The following LYPD6B variants were observed in gnomAD, a reference collection of about 807,000 sequenced individuals.
The protein encoded by LYPD6B is LY6/PLAUR domain containing 6B.
In LYPD6B, 17 loss-of-function variants were observed where a neutral mutation model predicts 22.8. The ratio of observed to expected loss-of-function variants is 0.75; its 90% CI spans 0.51 to 1.12. The LOEUF (loss-of-function observed/expected upper bound fraction) is 1.12. LYPD6B is among the 50% of genes most tolerant of loss of function. The pLI, the probability that LYPD6B is intolerant of heterozygous loss-of-function variation, is 0.00. For synonymous variants in LYPD6B, 106 were observed against 91.6 expected (o/e 1.16, Z -0.90); for missense variants, 221 against 258.3 (o/e 0.86, Z 0.99).
intron 1 of LYPD6B, among the ~76,000 whole-genome samples, chr2:149,102,114 C>A (rs1686241401): frequency 6.6e-6 from 1 of 152,126 alleles, no homozygotes; most frequent in African/African-American, 2.4e-5. Flanking sequence ...TTTAGAATTA[C>A]CTTCTCCCTT....
At chr2:149,122,143 A>T (rs963858190) in intron 1 of LYPD6B, among the ~76,000 whole-genome samples, 4 of 152,152 alleles carry the variant, frequency 2.6e-5, no homozygotes, top group African/African-American at 9.7e-5. Context: ...AAAGGCCTTA[A>T]ATATTGCATC....
chr2:149,065,610 A>T (rs1038258079), intron 1 of LYPD6B, among the ~76,000 whole-genome samples: 1 of 152,192 alleles, frequency 6.6e-6, no homozygotes, highest in Non-Finnish European at 1.5e-5. Context: ...AGCCTGGTTG[A>T]TTGGCAGCAT....
rs10196199 is a variant in LYPD6B at position 149,158,209 on chromosome 2, G to C, written c.6-2555G>C. ...CTTACATATGGTTCTTAAGAATGTA[G>C]CTAATATTTTAAAAAGACTTTTCAC... is the stretch of plus-strand genomic sequence containing the variant. On this transcript the variant is annotated intron_variant, in intron 2 of 6. Coordinates refer to ENST00000409642, the MANE Select transcript of LYPD6B (RefSeq NM_177964.5). Among the ~76,000 whole-genome samples, 19 of 152,204 alleles carry C rather than the reference G, an allele frequency of 1.2e-4. No individual in the cohort carries two copies. In the East Asian group the frequency reaches 1.5e-3, roughly 12 times the overall value.
At chr2:149,108,744 C>T (rs1393765510) in intron 1 of LYPD6B, among the ~76,000 whole-genome samples, 3 of 151,934 alleles carry the variant, frequency 2.0e-5, no homozygotes, top group South Asian at 4.2e-4. Flanking sequence ...TTATAATCAC[C>T]CCCTTTTGTT....
intron 1 of LYPD6B, among the ~76,000 whole-genome samples, chr2:149,087,364 A>G (rs1685448721): frequency 6.6e-6 from 1 of 152,156 alleles, no homozygotes; most frequent in African/African-American, 2.4e-5. Context: ...AATTTTTTAG[A>G]TTTTTACGTA....
At chr2:149,183,863 GTA>G (rs34733336) in intron 3 of LYPD6B, among the ~76,000 whole-genome samples, 59 of 148,398 alleles carry the variant, frequency 4.0e-4, no homozygotes, top group Non-Finnish European at 3.7e-4. Context: ...GTGTGTGTGT[GTA>G]TATATATATA....
chr2:149,121,744 G>A (rs756579871), intron 1 of LYPD6B, among the ~76,000 whole-genome samples: 3 of 152,132 alleles, frequency 2.0e-5, no homozygotes, highest in Non-Finnish European at 4.4e-5. Context: ...CCGGGGCCAG[G>A]GCTGTGGAAG....
chr2:149,117,073 G>A (rs1009153131), intron 1 of LYPD6B, among the ~76,000 whole-genome samples: 1 of 151,968 alleles, frequency 6.6e-6, no homozygotes, highest in African/African-American at 2.4e-5. Context: ...TTTTATTATT[G>A]AGTGATTTCC....
At chr2:149,144,784 A>G (rs1268269400) in intron 2 of LYPD6B, among the ~76,000 whole-genome samples, 2 of 152,206 alleles carry the variant, frequency 1.3e-5, no homozygotes, top group Admixed American at 6.5e-5. Flanking sequence ...AGTCACCCCC[A>G]GAAGAGGAGA....
intron 1 of LYPD6B, among the ~76,000 whole-genome samples, chr2:149,042,469 A>T (rs1683125962): frequency 6.6e-6 from 1 of 152,226 alleles, no homozygotes; most frequent in African/African-American, 2.4e-5. Flanking sequence ...GGAAGAAAGC[A>T]GAAGTGGAGG....
intron 1 of LYPD6B, among the ~76,000 whole-genome samples, chr2:149,059,606 G>A (rs182197970): frequency 2.0e-5 from 3 of 152,280 alleles, no homozygotes; most frequent in East Asian, 1.9e-4. Flanking sequence ...TCTTCATTAC[G>A]GCGTTGTTCC....
At chr2:149,128,134 G>GT (rs113587212) in intron 1 of LYPD6B, among the ~76,000 whole-genome samples, 2,240 of 152,000 alleles carry the variant, frequency 0.015, 51 homozygotes, top group African/African-American at 0.05. Context: ...AAATCTTTTT[G>GT]TTTTTTCTTC....
chr2:149,170,265 G>A (rs1043153621), intron 3 of LYPD6B, among the ~76,000 whole-genome samples: 3 of 152,184 alleles, frequency 2.0e-5, no homozygotes, highest in Non-Finnish European at 4.4e-5. Context: ...AGTATTCATG[G>A]GGGATTTTAG....
chr2:149,128,896 C>T (rs1476685220), intron 1 of LYPD6B, among the ~76,000 whole-genome samples: 1 of 152,216 alleles, frequency 6.6e-6, no homozygotes, highest in Admixed American at 6.5e-5. Context: ...TTCTGATCCC[C>T]TTGGTTGTAA....
chr2:149,198,490 A>C (rs1054982503), intron 3 of LYPD6B, among the ~76,000 whole-genome samples: 9 of 152,182 alleles, frequency 5.9e-5, no homozygotes, highest in African/African-American at 2.2e-4. Context: ...TTTTTCTTAA[A>C]ATTTGAATCA....
chr2:149,047,024 C>G (rs1305598404), intron 1 of LYPD6B, among the ~76,000 whole-genome samples: 1 of 152,118 alleles, frequency 6.6e-6, no homozygotes, highest in Non-Finnish European at 1.5e-5. Flanking sequence ...TAAAACAGAC[C>G]AGGGGCTAGG....
Position 149,198,232 on chromosome 2 carries a change from C to T in LYPD6B, c.78-7021C>T, listed in dbSNP as rs1401602449. 3.3e-5 allele frequency among the ~76,000 whole-genome samples: 5 copies of T among 151,972 alleles called. 1 individual carries two copies. Among genetic ancestry groups the T allele is most frequent in the Non-Finnish European group, 7.4e-5 (5 of 68,002 alleles). ...AATTTTTGTATTTTTTAAGTAAAGACAGGGTTTCACCATGTTGGTCAGGCT... is the reference window on the plus strand; with the variant it reads ...AATTTTTGTATTTTTTAAGTAAAGATAGGGTTTCACCATGTTGGTCAGGCT... On this transcript the variant is annotated intron_variant, in intron 3 of 6. Transcript: ENST00000409642.
chr2:149,175,059 C>G (rs201710989), intron 3 of LYPD6B, among the ~76,000 whole-genome samples: 42,705 of 115,110 alleles, frequency 0.37, 7,249 homozygotes, highest in Non-Finnish European at 0.45. Flanking sequence ...CTCTCTCTCT[C>G]TCTGTGTGTG....
intron 1 of LYPD6B, among the ~76,000 whole-genome samples, chr2:149,059,036 C>T (rs946969981): frequency 6.6e-6 from 1 of 152,228 alleles, no homozygotes; most frequent in Non-Finnish European, 1.5e-5. Flanking sequence ...CCATCTTGTG[C>T]CCTGTTCAGC....
Sources: gnomAD v4.1 joint callset for allele counts (sites outside exome capture counted in the v4.1 genomes callset) on GRCh38, gnomAD v4.1.1 for gene constraint, MANE v1.5 for transcripts, NCBI Gene and HGNC (gene_info 2026-07-23, HGNC 2026-07-21) for gene names.